PCDH7: variants seen among roughly 807,000 people sequenced by gnomAD.
PCDH7 encodes protocadherin-7.
A neutral mutation model predicts 58.9 loss-of-function variants in PCDH7; 17 were observed. The observed-to-expected ratio is 0.29, with a 90% CI of 0.20 to 0.43. The LOEUF (loss-of-function observed/expected upper bound fraction) is 0.43. Ranked by LOEUF, PCDH7 falls within the 20% of genes least tolerant of loss-of-function variation. The pLI, the probability that PCDH7 is intolerant of heterozygous loss-of-function variation, is 1.00. For synonymous variants in PCDH7, 664 were observed against 616.4 expected (o/e 1.08, Z -1.14); for missense variants, 1,274 against 1,441.0 (o/e 0.88, Z 1.88).
At chr4:30,799,321 T>C (rs1725215015) in intron 1 of PCDH7, among the ~76,000 whole-genome samples, 1 of 152,216 alleles carries the variant, frequency 6.6e-6, no homozygotes, top group African/African-American at 2.4e-5. Context: ...ATGATTAATG[T>C]ACAGTACTTA....
At chr4:30,994,993 T>C (rs1439630631) in intron 3 of PCDH7, among the ~76,000 whole-genome samples, 1 of 152,158 alleles carries the variant, frequency 6.6e-6, no homozygotes, top group African/African-American at 2.4e-5. Context: ...AAAAGGAATA[T>C]TAAATATCTC....
At chr4:30,944,244 A>G (rs1746410452) in intron 2 of PCDH7, among the ~76,000 whole-genome samples, 1 of 152,138 alleles carries the variant, frequency 6.6e-6, no homozygotes, top group Non-Finnish European at 1.5e-5. Context: ...CTAGTAAGAT[A>G]ATCATTCAAG....
intron 3 of PCDH7, among the ~76,000 whole-genome samples, chr4:31,123,632 C>A (rs183048506): frequency 8.2e-4 from 125 of 152,280 alleles, no homozygotes; most frequent in Non-Finnish European, 1.5e-3. Context: ...TTGCTGTTCA[C>A]GGATGGCTTA....
intron 1 of PCDH7, among the ~76,000 whole-genome samples, chr4:30,862,589 A>T (rs1333444506): frequency 6.6e-6 from 1 of 152,184 alleles, no homozygotes; most frequent in African/African-American, 2.4e-5. Context: ...GTTTTTACCA[A>T]GATAATATCT....
At chr4:30,999,780 G>T (rs1264085590) in intron 3 of PCDH7, among the ~76,000 whole-genome samples, 1 of 152,092 alleles carries the variant, frequency 6.6e-6, no homozygotes, top group East Asian at 1.9e-4. Flanking sequence ...AGGGAGAATT[G>T]ATTCTTCTAT....
chr4:30,965,090 T>G (rs1046126188), intron 3 of PCDH7, among the ~76,000 whole-genome samples: 1 of 152,252 alleles, frequency 6.6e-6, no homozygotes, highest in Admixed American at 6.5e-5. Context: ...ATTCAGCAGC[T>G]CTTTATTTCT....
At chr4:30,958,677 A>T (rs945693848) in intron 3 of PCDH7, among the ~76,000 whole-genome samples, 9 of 151,996 alleles carry the variant, frequency 5.9e-5, no homozygotes, top group Non-Finnish European at 5.9e-5. Context: ...AACTGAAATA[A>T]ATGATTATGG....
At chr4:30,762,390 T>C (rs1044594835) in intron 1 of PCDH7, among the ~76,000 whole-genome samples, 2 of 152,188 alleles carry the variant, frequency 1.3e-5, no homozygotes, top group African/African-American at 4.8e-5. Context: ...GCAATAAAAC[T>C]ATAAGAGCTT....
In PCDH7 at chr4:30,797,297, G is replaced by A. The variant is rs544389089; in HGVS notation, c.70+72701G>A. On this transcript the variant is annotated intron_variant, in intron 1 of 3. Transcript: ENST00000509759. ...GGTTTGGTTTGGTTTTTTTGAGACG[G>A]AGTCTTGCTCTGTCACCCAGGCTGG... is the stretch of plus-strand genomic sequence containing the variant. 2.6e-5 allele frequency among the ~76,000 whole-genome samples: 4 copies of A among 151,062 alleles called. No homozygotes were observed. In the Admixed American group the frequency reaches 2.6e-4, roughly 10 times the overall value.
At chr4:31,032,077 G>A (rs1425311815) in intron 3 of PCDH7, among the ~76,000 whole-genome samples, 1 of 152,120 alleles carries the variant, frequency 6.6e-6, no homozygotes, top group Non-Finnish European at 1.5e-5. Flanking sequence ...ATCTGCCTTA[G>A]TAAAATTATT....
At chr4:30,776,033 G>A (rs980992756) in intron 1 of PCDH7, among the ~76,000 whole-genome samples, 2 of 152,152 alleles carry the variant, frequency 1.3e-5, no homozygotes, top group Admixed American at 1.3e-4. Context: ...CTATAGACAT[G>A]AACTAAGGAA....
intron 3 of PCDH7, among the ~76,000 whole-genome samples, chr4:31,006,984 A>G (rs541062612): frequency 6.6e-6 from 1 of 152,192 alleles, no homozygotes; most frequent in East Asian, 1.9e-4. Flanking sequence ...ACAGCCTACT[A>G]TTGTTTATAT....
In PCDH7 at chr4:30,840,142, T is replaced by C. The variant is rs1245622119; in HGVS notation, c.71-80011T>C. 2.0e-5 allele frequency among the ~76,000 whole-genome samples: 3 copies of C among 150,482 alleles called. No individual in the cohort carries two copies. In the East Asian group the frequency reaches 5.8e-4, roughly 29 times the overall value. On this transcript the variant is annotated intron_variant, in intron 1 of 3. Transcript: ENST00000509759. The stretch of plus-strand genomic sequence containing the variant: ...AATAAATATTGGTATGCATTTCTTT[T>C]CAGTTATTTTTTTTTTAATCTAATG...
intron 3 of PCDH7, among the ~76,000 whole-genome samples, chr4:31,033,184 G>T (rs1755104547): frequency 6.6e-6 from 1 of 151,556 alleles, no homozygotes; most frequent in South Asian, 2.1e-4. Context: ...AAAGCCAATA[G>T]AAATGTACGT....
intron 3 of PCDH7, among the ~76,000 whole-genome samples, chr4:31,138,469 A>C (rs1719881523): frequency 6.6e-6 from 1 of 152,124 alleles, no homozygotes; most frequent in Non-Finnish European, 1.5e-5. Flanking sequence ...TTGACCTCTA[A>C]ATAACTCAGC....
chr4:30,882,582 G>A (rs1357762884), intron 1 of PCDH7, among the ~76,000 whole-genome samples: 2 of 152,102 alleles, frequency 1.3e-5, no homozygotes, highest in African/African-American at 4.8e-5. Flanking sequence ...TTCAGAGGAT[G>A]TTAAATACAA....
chr4:30,771,098 T>G (rs1272847569), intron 1 of PCDH7, among the ~76,000 whole-genome samples: 1 of 152,206 alleles, frequency 6.6e-6, no homozygotes, highest in East Asian at 1.9e-4. Flanking sequence ...GTTACCTAAG[T>G]GTTCTAAACA....
intron 3 of PCDH7, among the ~76,000 whole-genome samples, chr4:31,106,038 G>A (rs888096270): frequency 3.6e-5 from 5 of 137,688 alleles, no homozygotes; most frequent in African/African-American, 8.3e-5. Context: ...ATATATATAT[G>A]TATATATACT....
At chr4:31,106,314 C>T (rs1037939337) in intron 3 of PCDH7, among the ~76,000 whole-genome samples, 3 of 151,994 alleles carry the variant, frequency 2.0e-5, no homozygotes, top group Non-Finnish European at 4.4e-5. Context: ...TTTATATAAG[C>T]GATTGTGCAA....
Sources: allele counts gnomAD v4.1 joint callset (sites outside exome capture counted in the v4.1 genomes callset), GRCh38; gene constraint gnomAD v4.1.1; transcripts MANE v1.5; gene names NCBI Gene and HGNC (gene_info 2026-07-23, HGNC 2026-07-21).